The following NUP54 variants were observed in gnomAD, a reference collection of about 807,000 sequenced individuals.
NUP54 encodes nucleoporin p54.
In NUP54, 27 loss-of-function variants were observed where a neutral mutation model predicts 66.4. The observed-to-expected ratio is 0.41, with a 90% CI of 0.30 to 0.56. The LOEUF (loss-of-function observed/expected upper bound fraction) is 0.56, where lower values mean the gene tolerates loss of function less well. NUP54 is among the 20% of genes least tolerant of loss of function. The probability of loss-of-function intolerance (pLI) is 0.34; values close to 1 mark genes in which losing one functional copy is unlikely to be tolerated. For synonymous variants in NUP54, 206 were observed against 210.7 expected (o/e 0.98, Z 0.19); for missense variants, 486 against 596.3 (o/e 0.82, Z 1.93).
intron 9 of NUP54, among the ~76,000 whole-genome samples, chr4:76,120,920 A>G (rs969780081): frequency 1.3e-5 from 2 of 152,204 alleles, no homozygotes; most frequent in Admixed American, 1.3e-4. Context: ...TATGAACACT[A>G]AATCTAAAAT....
chr4:76,118,223 CAG>C (rs937948635), intron 9 of NUP54, 29 bp from the exon 10 acceptor site: 1 of 1,600,860 alleles, frequency 6.2e-7, no homozygotes, highest in South Asian at 1.1e-5. Flanking sequence ...CCAATAACAA[CAG>C]AATCATCTCT....
intron 3 of NUP54, among the ~76,000 whole-genome samples, chr4:76,137,039 G>A (rs113717407): frequency 6.6e-6 from 1 of 152,084 alleles, no homozygotes; most frequent in Admixed American, 6.5e-5. Context: ...GCCTAGACTG[G>A]AGTGCAGTGG....
chr4:76,132,859 C>CT, intron 5 of NUP54, 140 bp from the exon 6 acceptor site: 3 of 640,224 alleles, frequency 4.7e-6, no homozygotes, highest in Non-Finnish European at 7.6e-6. Flanking sequence ...TAAAATGTTT[C>CT]CTTTTTTTTT....
chr4:76,135,164 T>C (rs1730985778), intron 4 of NUP54, among the ~76,000 whole-genome samples: 1 of 152,176 alleles, frequency 6.6e-6, no homozygotes, highest in African/African-American at 2.4e-5. Flanking sequence ...CTATAAAGAA[T>C]GTCTGTATCA....
intron 1 of NUP54, chr4:76,147,713 G>C: frequency 8.8e-7 from 1 of 1,135,272 alleles, no homozygotes; most frequent in South Asian, 1.4e-5. Flanking sequence ...AGCAAGATAA[G>C]GATTAGAAGA....
intron 4 of NUP54, 40 bp from the exon 5 acceptor site, chr4:76,134,402 A>C: frequency 6.6e-7 from 1 of 1,508,736 alleles, no homozygotes; most frequent in Non-Finnish European, 9.0e-7. Context: ...AAATATGTAC[A>C]GATCTTAAAT....
intron 8 of NUP54, among the ~76,000 whole-genome samples, chr4:76,129,863 CAAAAAAAAAAAAA>C (rs747413034): frequency 5.3e-5 from 2 of 37,614 alleles, no homozygotes; most frequent in Non-Finnish European, 1.3e-4. Flanking sequence ...AGAGACGTCT[CAAAAAAAAAAAAA>C]AAAAAAAAAA....
intron 1 of NUP54, chr4:76,147,728 G>A (rs1731564467): frequency 9.5e-7 from 1 of 1,057,168 alleles, no homozygotes; most frequent in South Asian, 1.5e-5. Flanking sequence ...AGAAGAATCA[G>A]CAGGAGGTTT....
chr4:76,119,658 G>A lies in NUP54; in HGVS notation c.1165-1464C>T, dbSNP rs117125101. Among the ~76,000 whole-genome samples the A allele has an allele frequency of 1.1e-3, 166 of 151,840 alleles. 5 individuals carry two copies. The East Asian group carries it at 0.029, about 27-fold the overall frequency. ...CTCTTAAAGTGCTGGGATTACAGGC[G>A]TGGGCCACTGTGCCAGGCTGCTTCT... On this transcript the variant is annotated intron_variant, in intron 9 of 11. Coordinates refer to ENST00000264883, the MANE Select transcript of NUP54 (RefSeq NM_017426.4).
At chr4:76,134,418 G>T in intron 4 of NUP54, 56 bp from the exon 5 acceptor site, 3 of 1,375,876 alleles carry the variant, frequency 2.2e-6, no homozygotes, top group Non-Finnish European at 3.0e-6. Context: ...TAAATCAGGT[G>T]TTTAATATTA....
At chr4:76,145,317 CAAAAAAAA>C (rs58518890) in intron 1 of NUP54, among the ~76,000 whole-genome samples, 2 of 101,580 alleles carry the variant, frequency 2.0e-5, no homozygotes, top group Non-Finnish European at 4.2e-5. Context: ...GACTCCGTCT[CAAAAAAAA>C]AAAAAAAAAA....
intron 9 of NUP54, among the ~76,000 whole-genome samples, chr4:76,122,073 T>C (rs1421603016): frequency 6.6e-6 from 1 of 152,236 alleles, no homozygotes; most frequent in East Asian, 1.9e-4. Context: ...GTATTTGCTA[T>C]TCATTTTTGG....
At position 76,117,771 on chromosome 4, in the gene NUP54, G is replaced by A. The variant is rs760127132; in HGVS notation, c.1288C>T (p.Arg430Ter). The A allele has an allele frequency of 6.2e-7, 1 of 1,612,274 alleles. No individual in the cohort carries two copies. ...ATTTGAGACATCAATTCATTTAGTC[G>A]GCCCTAAAAGTTAAGACTGAGTCAA... ...ELNAPTQFKG[R>*]LNELMSQIRM... Residue 430 changes from arginine (R) to a stop codon, truncating the protein, a stop_gained, in exon 11 of 12, where the codon CGA (arginine) becomes TGA (stop). Transcript: ENST00000264883. LOFTEE classifies it high-confidence loss of function.
intron 3 of NUP54, among the ~76,000 whole-genome samples, chr4:76,141,201 C>G (rs1366877833): frequency 6.6e-6 from 1 of 152,130 alleles, no homozygotes; most frequent in South Asian, 2.1e-4. Context: ...AGCAGTGGTC[C>G]TAACAATGCT....
chr4:76,115,626 G>A (rs1304015102), intron 11 of NUP54, 132 bp from the exon 12 acceptor site: 2 of 517,930 alleles, frequency 3.9e-6, no homozygotes, highest in Non-Finnish European at 6.4e-6. Flanking sequence ...AAATATAGAG[G>A]GCATGCATAT....
chr4:76,132,781 G>C (rs1410693236), intron 5 of NUP54, 62 bp from the exon 6 acceptor site: 37 of 1,171,208 alleles, frequency 3.2e-5, no homozygotes, highest in Admixed American at 8.7e-5. Context: ...ACAAACCTCA[G>C]CATATCATAG....
At chr4:76,118,231 T>C in intron 9 of NUP54, 37 bp from the exon 10 acceptor site, 1 of 1,595,464 alleles carries the variant, frequency 6.3e-7, no homozygotes, top group Non-Finnish European at 8.6e-7. Context: ...AACAGAATCA[T>C]CTCTTTTTAG....
intron 9 of NUP54, among the ~76,000 whole-genome samples, chr4:76,120,618 G>A (rs34072573): frequency 0.15 from 22,453 of 151,778 alleles, 2,118 homozygotes; most frequent in East Asian, 0.36. Context: ...TAGTAGAGTC[G>A]GGGTTTCACC....
At chr4:76,147,367 A>T in intron 1 of NUP54, 1 of 599,852 alleles carries the variant, frequency 1.7e-6, no homozygotes, top group Non-Finnish European at 2.4e-6. Flanking sequence ...TAAGGAAATA[A>T]ATTTCCTTTC....
Sources: gnomAD v4.1 joint callset for allele counts (sites outside exome capture counted in the v4.1 genomes callset) on GRCh38, gnomAD v4.1.1 for gene constraint, MANE v1.5 for transcripts, NCBI Gene and HGNC (gene_info 2026-07-23, HGNC 2026-07-21) for gene names.